MED1: variants seen among roughly 807,000 people sequenced by gnomAD.
MED1 encodes mediator complex subunit 1.
A neutral mutation model predicts 121.3 loss-of-function variants in MED1; 17 were observed. That is an observed-to-expected ratio of 0.14 (90% CI 0.10 to 0.21). The LOEUF (loss-of-function observed/expected upper bound fraction) is 0.21, where lower values mean the gene tolerates loss of function less well. Among genes scored for constraint, MED1 ranks in the 10% least tolerant of loss-of-function variants. The pLI is 1.00. For synonymous variants in MED1, 661 were observed against 694.4 expected (o/e 0.95, Z 0.76); for missense variants, 1,558 against 1,919.4 (o/e 0.81, Z 3.52).
intron 13 of MED1, among the ~76,000 whole-genome samples, chr17:39,422,168 CTTT>C (rs2048471293): frequency 6.7e-6 from 1 of 149,418 alleles, no homozygotes; most frequent in Non-Finnish European, 1.5e-5. Flanking sequence ...ATTTCTTTTT[CTTT>C]TTTATTTTTT....
At chr17:39,439,911 C>T (rs966606377) in intron 5 of MED1, among the ~76,000 whole-genome samples, 19 of 138,058 alleles carry the variant, frequency 1.4e-4, no homozygotes, top group Admixed American at 6.5e-4. Context: ...GCACTCCAGG[C>T]GACAGAACGA....
Position 39,434,237 on chromosome 17 carries a change from A to C in MED1, c.500+12T>G. 6.6e-7 allele frequency: 1 copy of C among 1,510,190 alleles called. No homozygotes were observed. The highest frequency in any genetic ancestry group is 8.9e-7 in the Non-Finnish European group (1 of 1,119,134). 93.5% of individuals were successfully genotyped at this position (1,510,190 alleles called of 1,614,324 possible). Reference sequence around the variant, plus strand: ...TTTTACAAACAAAAGCAAAAATATTAAAAATACTTACTTGTCCCCTGGAAG... The same window carrying C: ...TTTTACAAACAAAAGCAAAAATATTCAAAATACTTACTTGTCCCCTGGAAG... On this transcript the variant is annotated intron_variant, in intron 7 of 16. Coordinates refer to ENST00000300651, the MANE Select transcript of MED1 (RefSeq NM_004774.4).
chr17:39,410,486 T>A lies in MED1; in HGVS notation c.1735A>T (p.Ser579Cys). The A allele has an allele frequency of 6.2e-7, 1 of 1,614,130 alleles. No individual in the cohort carries two copies. Among genetic ancestry groups the A allele is most frequent in the Non-Finnish European group, 8.5e-7 (1 of 1,180,042 alleles). Residue 579 changes from serine (S) to cysteine (C), a missense_variant, in exon 17 of 17, where the codon AGC becomes TGC. By Grantham distance (112) the Ser-to-Cys change is moderately radical. Around this residue, in one of 5 missense-constraint regions of MED1, gnomAD observed 793 missense variants for 898.2 expected, o/e 0.88. Coordinates refer to ENST00000300651, the MANE Select transcript of MED1 (RefSeq NM_004774.4). ...TCATGCCGATCTTTGATGCTCATGCTCATATTAAACAAGGTGGTAATGGGA... is the reference window on the plus strand; with the variant it reads ...TCATGCCGATCTTTGATGCTCATGCACATATTAAACAAGGTGGTAATGGGA... ...GGPITTLFNM[S>C]MSIKDRHESV... is the part of the protein sequence containing the mutation.
At chr17:39,450,553 C>G (rs2048772606) in intron 1 of MED1, among the ~76,000 whole-genome samples, 1 of 152,072 alleles carries the variant, frequency 6.6e-6, no homozygotes, top group African/African-American at 2.4e-5. Flanking sequence ...TTCTGCAGTT[C>G]GTAGTTCGGT....
intron 1 of MED1, among the ~76,000 whole-genome samples, chr17:39,449,031 T>C (rs1483099693): frequency 6.6e-6 from 1 of 151,726 alleles, no homozygotes; most frequent in African/African-American, 2.4e-5. Context: ...AAGGAGTACA[T>C]CTTTCTTTTC....
chr17:39,439,031 TAG>T (rs2048647378), intron 6 of MED1, 132 bp downstream of exon 6: 5 of 764,940 alleles, frequency 6.5e-6, no homozygotes, highest in Non-Finnish European at 8.6e-6. Context: ...TGATTAAGTA[TAG>T]ACTCTTAAAA....
At chr17:39,413,912 T>TAAAAAAAAAA (rs66489961) in intron 16 of MED1, among the ~76,000 whole-genome samples, 5 of 69,838 alleles carry the variant, frequency 7.2e-5, no homozygotes, top group Admixed American at 1.9e-4. Flanking sequence ...GTAATATCAT[T>TAAAAAAAAAA]AAAAAAAAAA....
intron 1 of MED1, among the ~76,000 whole-genome samples, chr17:39,449,846 C>A (rs559674418): frequency 8.8e-6 from 1 of 114,212 alleles, no homozygotes; most frequent in African/African-American, 3.3e-5. Flanking sequence ...CGAAGTTTCG[C>A]TCTTGTAGCC....
intron 6 of MED1, among the ~76,000 whole-genome samples, chr17:39,436,369 G>GAAAAAAAA (rs10712248): frequency 8.7e-6 from 1 of 114,904 alleles, no homozygotes; most frequent in Non-Finnish European, 1.7e-5. Context: ...TCAAAAAAAA[G>GAAAAAAAA]AAAAAAAAAA....
At chr17:39,422,074 G>A (rs1353616207) in intron 13 of MED1, among the ~76,000 whole-genome samples, 4 of 147,886 alleles carry the variant, frequency 2.7e-5, no homozygotes, top group African/African-American at 1.0e-4. Context: ...TTTGCAGTGA[G>A]CTGAGATCTC....
At chr17:39,413,912 T>TAAAAAA (rs66489961) in intron 16 of MED1, among the ~76,000 whole-genome samples, 26 of 69,844 alleles carry the variant, frequency 3.7e-4, no homozygotes, top group African/African-American at 5.0e-4. Flanking sequence ...GTAATATCAT[T>TAAAAAA]AAAAAAAAAA....
intron 13 of MED1, among the ~76,000 whole-genome samples, chr17:39,421,847 C>T (rs2048467836): frequency 1.3e-5 from 2 of 151,218 alleles, no homozygotes; most frequent in Admixed American, 6.6e-5. Flanking sequence ...TCTGTCACCC[C>T]GCCAGGCAAG....
Position 39,424,738 on chromosome 17 carries a change from A to T in MED1, c.740T>A (p.Val247Asp). 6.3e-7 allele frequency: 1 copy of T among 1,575,330 alleles called. No individual in the cohort carries two copies. Among genetic ancestry groups the T allele is most frequent in the South Asian group, 1.1e-5 (1 of 89,014 alleles). The change falls in exon 11 of 17, where the codon GTT (valine) becomes GAT (aspartate). Residue 247 changes from valine to aspartate, a missense_variant and splice_region_variant. Val to Asp is a radical substitution (Grantham distance 152). Transcript: ENST00000300651. ...ASPIILHENN[V>D]SRSLGMNASV... ...TGCATTCATGCCCAAAGATCGAGAA[A>T]CTGGGGATAGGAAAGAAAAAGGGTA...
At chr17:39,449,020 C>G (rs535314949) in intron 1 of MED1, among the ~76,000 whole-genome samples, 1 of 151,980 alleles carries the variant, frequency 6.6e-6, no homozygotes, top group Non-Finnish European at 1.5e-5. Flanking sequence ...TCCTTGCACC[C>G]AAGGAGTACA....
Position 39,407,259 on chromosome 17 carries a change from AAAG to A in MED1, c.*213_*215del, listed in dbSNP as rs1368364574. On this transcript the variant is annotated 3_prime_UTR_variant, in exon 17 of 17. Coordinates refer to ENST00000300651, the MANE Select transcript of MED1 (RefSeq NM_004774.4). ...TTAACTTTCTTTCTGGCACAGGAAC[AAAG>A]AAGACTTCCTGGTAACCAGAATCAA... 5.9e-6 allele frequency: 6 copies of A among 1,016,150 alleles called. No homozygotes were observed. The highest frequency in any genetic ancestry group is 7.6e-5 in the East Asian group (1 of 13,110). The allele number at this position is 1,016,150 out of a possible 1,614,324, so 62.9% of individuals were successfully genotyped here.
intron 6 of MED1, among the ~76,000 whole-genome samples, chr17:39,436,187 C>T (rs1228062571): frequency 1.3e-5 from 2 of 151,676 alleles, no homozygotes; most frequent in African/African-American, 4.8e-5. Context: ...ACGATGAAAC[C>T]TCGTCTCTAC....
chr17:39,411,058 C>T (rs960774731), intron 16 of MED1, among the ~76,000 whole-genome samples: 7 of 152,302 alleles, frequency 4.6e-5, no homozygotes, highest in East Asian at 3.9e-4. Flanking sequence ...CAGTGGCTCA[C>T]GCCTGTAATC....
At chr17:39,414,709 C>T (rs1167898748) in intron 16 of MED1, among the ~76,000 whole-genome samples, 4 of 118,016 alleles carry the variant, frequency 3.4e-5, no homozygotes, top group African/African-American at 6.4e-5. Context: ...CTTGCTCTGT[C>T]GTCAGGCTGG....
Position 39,451,080 on chromosome 17 carries a change from G to C in MED1, c.-18C>G. 2 of 1,610,060 alleles carry C rather than the reference G, an allele frequency of 1.2e-6. No homozygotes were observed. Among genetic ancestry groups the C allele is most frequent in the Non-Finnish European group, 1.7e-6 (2 of 1,178,358 alleles). Reference sequence around the variant, plus strand: ...GCTTTCATCCTGAAGGCGAGGAGAAGCTAGATCCGCCACAAAAGGATAAGC... The same window carrying C: ...GCTTTCATCCTGAAGGCGAGGAGAACCTAGATCCGCCACAAAAGGATAAGC... On this transcript the variant is annotated 5_prime_UTR_variant, in exon 1 of 17. Coordinates refer to ENST00000300651, the MANE Select transcript of MED1 (RefSeq NM_004774.4).
Sources: gnomAD v4.1 joint callset for allele counts (sites outside exome capture counted in the v4.1 genomes callset) on GRCh38, gnomAD v4.1.1 for gene constraint, gnomAD v4.1.1 regional missense constraint, MANE v1.5 for transcripts, NCBI Gene and HGNC (gene_info 2026-07-23, HGNC 2026-07-21) for gene names.